Variants in NBEAL1 observed in about 807,000 individuals in gnomAD.
NBEAL1 encodes the protein neurobeachin like 1, also known as neurobeachin-like protein 1.
A neutral mutation model predicts 351.3 loss-of-function variants in NBEAL1; 273 were observed. That is an observed-to-expected ratio of 0.78 (90% CI 0.70 to 0.86). The LOEUF is 0.86. Among genes scored for constraint, NBEAL1 ranks in the 40% least tolerant of loss-of-function variants. The pLI, the probability that NBEAL1 is intolerant of heterozygous loss-of-function variation, is 0.00. For missense variants in NBEAL1, 2,961 were observed against 3,201.3 expected, an observed-to-expected ratio of 0.92 and a Z score of 1.81; for synonymous variants, 1,050 against 1,086.4, an observed-to-expected ratio of 0.97 and a Z score of 0.66.
rs1426383375 is a variant in NBEAL1 at position 203,070,900 on chromosome 2, A to G, written c.598+2425A>G. On this transcript the variant is annotated intron_variant, in intron 7 of 55. Transcript: ENST00000683969. Reference sequence around the variant, plus strand: ...TTGAACACGAGATTTCAGTGGGGGCATAGATCCAAACCATATCAGCTGGCT... The same window carrying G: ...TTGAACACGAGATTTCAGTGGGGGCGTAGATCCAAACCATATCAGCTGGCT... Among the ~76,000 whole-genome samples the G allele has an allele frequency of 2.6e-5, 4 of 152,220 alleles. No individual in the cohort carries two copies. The East Asian group carries it at 5.8e-4, about 22-fold the overall frequency.
At chr2:203,092,489 C>T (rs2106190344) in intron 10 of NBEAL1, among the ~76,000 whole-genome samples, 1 of 152,162 alleles carries the variant, frequency 6.6e-6, no homozygotes, top group Admixed American at 6.5e-5. Context: ...TGCTTGAACC[C>T]AGGAGATGGA....
chr2:203,035,953 C>A (rs1368970595), intron 2 of NBEAL1, among the ~76,000 whole-genome samples: 1 of 149,142 alleles, frequency 6.7e-6, no homozygotes, highest in Non-Finnish European at 1.5e-5. Flanking sequence ...ATTTAATTTT[C>A]ACAACAGTCC....
At chr2:203,044,218 C>G (rs1314265520) in intron 3 of NBEAL1, among the ~76,000 whole-genome samples, 1 of 152,146 alleles carries the variant, frequency 6.6e-6, no homozygotes, top group East Asian at 1.9e-4. Context: ...CAGATGTCTT[C>G]CTCATTAGAC....
Position 203,145,996 on chromosome 2 carries a change from C to CA in NBEAL1, c.5304+847dup, listed in dbSNP as rs75915149. On this transcript the variant is annotated intron_variant, in intron 33 of 55. Coordinates refer to ENST00000683969, the MANE Select transcript of NBEAL1 (RefSeq NM_001378026.1). ...ACAGATAAACTTCTAGCAAGATTGACAAAAAAAAAAAGGAGAGAGAGAATG... is the reference window on the plus strand; with the variant it reads ...ACAGATAAACTTCTAGCAAGATTGACAAAAAAAAAAAAGGAGAGAGAGAATG... 1.1e-3 allele frequency among the ~76,000 whole-genome samples: 130 copies of CA among 123,612 alleles called. 2 individuals are homozygous for CA. In the South Asian group the frequency reaches 0.013, roughly 12 times the overall value. The allele number at this position is 123,612 out of a possible 152,430, so 81.1% of individuals were successfully genotyped here. A position where few individuals can be genotyped will look rare whatever the true frequency, so the allele number is the denominator to read the frequency against.
intron 21 of NBEAL1, 72 bp downstream of exon 21, chr2:203,126,165 C>T (rs763851407): frequency 2.2e-4 from 295 of 1,345,580 alleles, no homozygotes; most frequent in Non-Finnish European, 2.8e-4. Context: ...ATTTTTTCTT[C>T]CTAATAAATA....
At chr2:203,077,321 G>A (rs2061793258) in intron 7 of NBEAL1, among the ~76,000 whole-genome samples, 1 of 151,852 alleles carries the variant, frequency 6.6e-6, no homozygotes, top group Non-Finnish European at 1.5e-5. Flanking sequence ...AGTGTGCTGA[G>A]ATCACACCAC....
chr2:203,116,807 AGG>A (rs370789701), intron 18 of NBEAL1, among the ~76,000 whole-genome samples: 9 of 145,944 alleles, frequency 6.2e-5, no homozygotes, highest in Non-Finnish European at 1.3e-4. Flanking sequence ...AAAAAAAAAA[AGG>A]GGGGGGCCCA....
Position 203,144,910 on chromosome 2 carries a change from G to A in NBEAL1, c.5154+5G>A, listed in dbSNP as rs762109168. On this transcript the variant is annotated splice_donor_5th_base_variant and intron_variant, in intron 32 of 55. Coordinates refer to ENST00000683969, the MANE Select transcript of NBEAL1 (RefSeq NM_001378026.1). ...CAAGTTTACATTGAAAAATATGTAA[G>A]TTTTATCTTTTTTGATCAAGATTTT... 2 of 1,564,376 alleles carry A rather than the reference G, an allele frequency of 1.3e-6. No individual in the cohort carries two copies. The highest frequency in any genetic ancestry group is 2.3e-5 in the East Asian group (1 of 44,284).
chr2:203,204,485 C>T (rs2065498087), intron 51 of NBEAL1, among the ~76,000 whole-genome samples: 1 of 151,792 alleles, frequency 6.6e-6, no homozygotes, highest in African/African-American at 2.4e-5. Flanking sequence ...CATGCACCAC[C>T]ACGCCTGGCT....
intron 6 of NBEAL1, among the ~76,000 whole-genome samples, chr2:203,060,841 G>C (rs2061488217): frequency 6.6e-6 from 1 of 152,182 alleles, no homozygotes; most frequent in African/African-American, 2.4e-5. Context: ...AACTTTTGAA[G>C]TAATTGTTAA....
At chr2:203,020,615 G>C (rs2060753274) in intron 2 of NBEAL1, among the ~76,000 whole-genome samples, 2 of 150,568 alleles carry the variant, frequency 1.3e-5, no homozygotes, top group African/African-American at 2.4e-5. Flanking sequence ...AGGTTGCAGT[G>C]AGCCGAGATT....
intron 33 of NBEAL1, among the ~76,000 whole-genome samples, chr2:203,145,819 AAGAAAAAC>A (rs1284559106): frequency 1.3e-5 from 2 of 151,428 alleles, no homozygotes; most frequent in Non-Finnish European, 2.9e-5. Flanking sequence ...AAAAAAAAGA[AAGAAAAAC>A]AGAGAAACAG....
intron 1 of NBEAL1, among the ~76,000 whole-genome samples, chr2:203,015,469 C>T (rs2060662375): frequency 6.6e-6 from 1 of 151,626 alleles, no homozygotes; most frequent in Non-Finnish European, 1.5e-5. Flanking sequence ...ACTCCACCCC[C>T]ACCCCACCCC....
intron 14 of NBEAL1, among the ~76,000 whole-genome samples, 170 bp from the exon 15 acceptor site, chr2:203,109,980 G>C (rs1392544972): frequency 6.6e-6 from 1 of 152,072 alleles, no homozygotes; most frequent in Non-Finnish European, 1.5e-5. Flanking sequence ...GACCAAAATG[G>C]ATTTTAAAGG....
intron 3 of NBEAL1, among the ~76,000 whole-genome samples, chr2:203,047,997 G>C (rs753116468): frequency 9.9e-5 from 15 of 151,962 alleles, no homozygotes; most frequent in Non-Finnish European, 2.1e-4. Context: ...GTTTCAACCA[G>C]GTATAGACCT....
chr2:203,197,060 C>A (rs1042088284), intron 47 of NBEAL1, among the ~76,000 whole-genome samples: 5 of 152,116 alleles, frequency 3.3e-5, no homozygotes, highest in African/African-American at 1.2e-4. Context: ...TCTTTGAAAT[C>A]TACATCTCTT....
Position 203,083,506 on chromosome 2 carries a change from T to C in NBEAL1, c.972T>C (p.Ala324=). ...RSRQWENRFI[A]LQIKMLNTIT... ...GACAGTGGGAAAACCGATTTATTGC[T>C]CTACAGATCAAAATGCTGAGTAAGT... The change falls in exon 9 of 56, where the codon GCT becomes GCC. Residue 324 remains alanine (A), a synonymous_variant. Transcript: ENST00000683969. 6.5e-7 allele frequency: 1 copy of C among 1,542,652 alleles called. No homozygotes were observed. The highest frequency in any genetic ancestry group is 8.8e-7 in the Non-Finnish European group (1 of 1,141,990).
rs1477570035 is a variant in NBEAL1, at chr2:203,136,698, G to A, written c.4489G>A (p.Gly1497Arg). 5.6e-6 allele frequency: 9 copies of A among 1,613,590 alleles called. No homozygotes were observed. The highest frequency in any genetic ancestry group is 7.6e-6 in the Non-Finnish European group (9 of 1,179,690). Residue 1497 changes from glycine (G) to arginine (R), a missense_variant, in exon 29 of 56, where the codon GGA becomes AGA. Physicochemically the swap from Gly to Arg is moderately radical, Grantham distance 125 (BLOSUM62 -2). Coordinates refer to ENST00000683969, the MANE Select transcript of NBEAL1 (RefSeq NM_001378026.1). ...TGATGATGATACTTGGATTGAACGA[G>A]GACAAGTGTTTTCAGCACTAAGTAA... ...KSDDDTWIERGQVFSALSKPG... is the reference protein window; with the variant it reads ...KSDDDTWIERRQVFSALSKPG...
chr2:203,042,681 A>G (rs1159223223), intron 3 of NBEAL1, among the ~76,000 whole-genome samples: 2 of 150,618 alleles, frequency 1.3e-5, no homozygotes, highest in Non-Finnish European at 3.0e-5. Context: ...TCCACCTCCT[A>G]GGTTCAAGCA....
Sources: allele counts gnomAD v4.1 joint callset (sites outside exome capture counted in the v4.1 genomes callset), GRCh38; gene constraint gnomAD v4.1.1; transcripts MANE v1.5; gene names NCBI Gene and HGNC (gene_info 2026-07-23, HGNC 2026-07-21).